The following KIF6 variants were observed in gnomAD, a reference collection of about 807,000 sequenced individuals.
KIF6 encodes the protein kinesin-like protein KIF6.
A neutral mutation model predicts 112.7 loss-of-function variants in KIF6; 106 were observed. That is an observed-to-expected ratio of 0.94 (90% CI 0.80 to 1.11). The LOEUF (loss-of-function observed/expected upper bound fraction) is 1.11, where lower values mean the gene tolerates loss of function less well. Ranked by LOEUF, KIF6 falls within the 50% of genes least tolerant of loss-of-function variation. The probability of loss-of-function intolerance (pLI) is 0.00; values close to 1 mark genes in which losing one functional copy is unlikely to be tolerated. For missense variants in KIF6, 929 were observed against 964.0 expected, an observed-to-expected ratio of 0.96 and a Z score of 0.48; for synonymous variants, 339 against 339.9, an observed-to-expected ratio of 1.00 and a Z score of 0.03.
chr6:39,476,032 A>G (rs112073511), intron 13 of KIF6, among the ~76,000 whole-genome samples: 3,371 of 151,620 alleles, frequency 0.022, 67 homozygotes, highest in Non-Finnish European at 0.029. Context: ...GGAACAACAC[A>G]TACTCGGGCC....
chr6:39,619,039 C>T (rs1227525278), intron 5 of KIF6, among the ~76,000 whole-genome samples: 1 of 152,100 alleles, frequency 6.6e-6, no homozygotes, highest in Admixed American at 6.6e-5. Flanking sequence ...AAATATTTTA[C>T]AGAGTTTCCT....
At chr6:39,547,573 A>T (rs1357205898) in intron 10 of KIF6, among the ~76,000 whole-genome samples, 4 of 152,260 alleles carry the variant, frequency 2.6e-5, no homozygotes, top group East Asian at 1.9e-4. Context: ...ACCTTTTTTT[A>T]AAAAAATTTG....
At chr6:39,672,734 T>C (rs1253965640) in intron 3 of KIF6, among the ~76,000 whole-genome samples, 3 of 152,172 alleles carry the variant, frequency 2.0e-5, no homozygotes, top group Admixed American at 6.5e-5. Flanking sequence ...AGGTTTCTCT[T>C]TCTCTCTTCC....
chr6:39,502,039 T>C (rs1776160927), intron 13 of KIF6, among the ~76,000 whole-genome samples: 1 of 151,726 alleles, frequency 6.6e-6, no homozygotes. Context: ...CTTCAGATTC[T>C]CCAAGGTTGA....
At chr6:39,605,927 C>A (rs1331686687) in intron 6 of KIF6, among the ~76,000 whole-genome samples, 4 of 152,106 alleles carry the variant, frequency 2.6e-5, no homozygotes, top group African/African-American at 9.7e-5. Flanking sequence ...ACGTCCTTTT[C>A]ATCTGCAGAT....
At chr6:39,563,723 A>G (rs1337751318) in intron 10 of KIF6, among the ~76,000 whole-genome samples, 1 of 152,202 alleles carries the variant, frequency 6.6e-6, no homozygotes, top group Non-Finnish European at 1.5e-5. Flanking sequence ...CTGCCCAGCA[A>G]GTGGTAACAT....
intron 16 of KIF6, among the ~76,000 whole-genome samples, chr6:39,380,677 A>G (rs1256549905): frequency 6.6e-6 from 1 of 151,908 alleles, no homozygotes; most frequent in African/African-American, 2.4e-5. Context: ...ATACTTGCCA[A>G]TTTCCTTGGT....
chr6:39,687,164 G>T (rs1369916874), intron 3 of KIF6, among the ~76,000 whole-genome samples: 1 of 152,130 alleles, frequency 6.6e-6, no homozygotes, highest in Non-Finnish European at 1.5e-5. Context: ...CACCACAGAT[G>T]AATATGGAAG....
At chr6:39,595,787 G>A (rs1454663878) in intron 7 of KIF6, among the ~76,000 whole-genome samples, 1 of 152,148 alleles carries the variant, frequency 6.6e-6, no homozygotes, top group Non-Finnish European at 1.5e-5. Context: ...GAGTAGAGAT[G>A]ACCAGGGACT....
intron 13 of KIF6, among the ~76,000 whole-genome samples, chr6:39,454,697 G>C (rs1772936550): frequency 6.6e-6 from 1 of 152,200 alleles, no homozygotes; most frequent in Non-Finnish European, 1.5e-5. Flanking sequence ...GCGAGGCATT[G>C]CCTCACCTGG....
At position 39,540,176 on chromosome 6, in the gene KIF6, T is replaced by C; in HGVS notation, c.1472A>G (p.Glu491Gly). 1 of 1,613,292 alleles carries C rather than the reference T, an allele frequency of 6.2e-7. No homozygotes were observed. The highest frequency in any genetic ancestry group is 8.5e-7 in the Non-Finnish European group (1 of 1,179,864). Reference sequence around the variant, plus strand: ...ATCCATGCCAGCCAAGTGGAGAGCCTCCTGAGCTTTCTTCTTTTCTTTTTT... The same window carrying C: ...ATCCATGCCAGCCAAGTGGAGAGCCCCCTGAGCTTTCTTCTTTTCTTTTTT... ...MLKKEKKKAQ[E>G]ALHLAGMDRR... Residue 491 changes from glutamate to glycine, a missense_variant, in exon 13 of 23, where the codon GAG becomes GGG. Coordinates refer to ENST00000287152, the MANE Select transcript of KIF6 (RefSeq NM_145027.6).
At chr6:39,361,231 G>C (rs1765111734) in intron 17 of KIF6, among the ~76,000 whole-genome samples, 1 of 152,088 alleles carries the variant, frequency 6.6e-6, no homozygotes, top group African/African-American at 2.4e-5. Context: ...GTGGGCCAAG[G>C]GGACAAGATG....
At chr6:39,714,868 T>C in intron 2 of KIF6, 102 bp from the exon 3 acceptor site, 1 of 768,912 alleles carries the variant, frequency 1.3e-6, no homozygotes, top group East Asian at 2.7e-5. Flanking sequence ...ACCCCATATT[T>C]ACATCACTGG....
chr6:39,612,717 T>C (rs1783285592), intron 6 of KIF6, among the ~76,000 whole-genome samples: 1 of 152,206 alleles, frequency 6.6e-6, no homozygotes, highest in African/African-American at 2.4e-5. Context: ...TTATACATAT[T>C]AACCCACTAA....
In KIF6 at chr6:39,522,396, C is replaced by T. The variant is rs188951667; in HGVS notation, c.1645+17607G>A. ...CCAGCCAACCTGGGCTCCTGGTTCA[C>T]AGTTTTCCTACCCACCTAATTTCTT... On this transcript the variant is annotated intron_variant, in intron 13 of 22. Transcript: ENST00000287152. Among the ~76,000 whole-genome samples, 3 of 152,340 alleles carry T rather than the reference C, an allele frequency of 2.0e-5. No individual in the cohort carries two copies. In the East Asian group the frequency reaches 5.8e-4, roughly 29 times the overall value.
At chr6:39,651,421 C>T (rs1007077879) in intron 3 of KIF6, among the ~76,000 whole-genome samples, 12 of 152,134 alleles carry the variant, frequency 7.9e-5, no homozygotes, top group Non-Finnish European at 1.5e-5. Flanking sequence ...GGGAGGGTAG[C>T]AGGTGGCTGC....
intron 3 of KIF6, among the ~76,000 whole-genome samples, chr6:39,710,424 C>T (rs1789479077): frequency 6.8e-6 from 1 of 146,852 alleles, no homozygotes; most frequent in Non-Finnish European, 1.5e-5. Context: ...GAAAGCGAGG[C>T]ACCAAACTCA....
intron 13 of KIF6, among the ~76,000 whole-genome samples, chr6:39,447,038 AC>A (rs1278144561): frequency 6.6e-6 from 1 of 152,228 alleles, no homozygotes; most frequent in Non-Finnish European, 1.5e-5. Context: ...GCAATCTGTT[AC>A]GAGTGAAAGA....
At chr6:39,538,629 C>T (rs1562299220) in intron 13 of KIF6, among the ~76,000 whole-genome samples, 1 of 150,224 alleles carries the variant, frequency 6.7e-6, no homozygotes, top group Admixed American at 6.6e-5. Flanking sequence ...GGACTGTAAA[C>T]TAGTTCAACC....
Sources: gnomAD v4.1 joint callset for allele counts (sites outside exome capture counted in the v4.1 genomes callset) on GRCh38, gnomAD v4.1.1 for gene constraint, MANE v1.5 for transcripts, NCBI Gene and HGNC (gene_info 2026-07-23, HGNC 2026-07-21) for gene names.